DCC: variants seen among roughly 807,000 people sequenced by gnomAD.
DCC encodes the protein netrin receptor DCC.
In DCC, 58 loss-of-function variants were observed where a neutral mutation model predicts 172.5. That is an observed-to-expected ratio of 0.34 (90% CI 0.27 to 0.42). DCC has a LOEUF of 0.42. Ranked by LOEUF, DCC falls within the 10% of genes least tolerant of loss-of-function variation. The pLI is 1.00. For synonymous variants in DCC, 709 were observed against 644.5 expected, an observed-to-expected ratio of 1.10 and a Z score of -1.52; for missense variants, 1,740 against 1,791.0, an observed-to-expected ratio of 0.97 and a Z score of 0.51.
intron 7 of DCC, among the ~76,000 whole-genome samples, chr18:53,085,281 A>G (rs996670336): frequency 3.3e-5 from 5 of 152,196 alleles, no homozygotes; most frequent in African/African-American, 9.7e-5. Flanking sequence ...ACAAGACCAC[A>G]TAGAAGAAGA....
At chr18:52,413,458 G>A (rs1986910276) in intron 1 of DCC, among the ~76,000 whole-genome samples, 1 of 151,526 alleles carries the variant, frequency 6.6e-6, no homozygotes, top group Non-Finnish European at 1.5e-5. Context: ...CTATGTATCT[G>A]TCATCTATAT....
Position 53,409,117 on chromosome 18 carries a change from T to A in DCC, c.2936-1335T>A, listed in dbSNP as rs553641125. On this transcript the variant is annotated intron_variant, in intron 19 of 28. Transcript: ENST00000442544. ...GTAGACCTTAATGGATGAGTAGGAT[T>A]TGGATGGAGTGAAGAAAGGTGGAAT... Among the ~76,000 whole-genome samples the A allele has an allele frequency of 3.3e-5, 5 of 152,192 alleles. No individual in the cohort carries two copies. In the East Asian group the frequency reaches 9.6e-4, roughly 29 times the overall value.
intron 9 of DCC, among the ~76,000 whole-genome samples, chr18:53,180,767 G>A (rs114624224): frequency 0.02 from 3,083 of 152,090 alleles, 107 homozygotes; most frequent in African/African-American, 0.07. Flanking sequence ...AGGTTCAAGC[G>A]ATTCCCAGCT....
intron 5 of DCC, among the ~76,000 whole-genome samples, chr18:53,019,094 A>G (rs1208826374): frequency 6.6e-6 from 1 of 152,186 alleles, no homozygotes; most frequent in Admixed American, 6.5e-5. Context: ...ACTGGGGCCA[A>G]TGCTGTCTAG....
At chr18:52,467,565 T>A (rs1265852585) in intron 1 of DCC, among the ~76,000 whole-genome samples, 2 of 152,202 alleles carry the variant, frequency 1.3e-5, no homozygotes, top group Non-Finnish European at 2.9e-5. Context: ...ATATACCCAA[T>A]AGTGGGATTG....
At chr18:52,687,927 C>A (rs1409195404) in intron 1 of DCC, among the ~76,000 whole-genome samples, 1 of 152,052 alleles carries the variant, frequency 6.6e-6, no homozygotes, top group Non-Finnish European at 1.5e-5. Context: ...TTTCACGACC[C>A]TTCAGTTGTC....
At chr18:52,397,307 A>G (rs2144364748) in intron 1 of DCC, among the ~76,000 whole-genome samples, 1 of 152,160 alleles carries the variant, frequency 6.6e-6, no homozygotes, top group Non-Finnish European at 1.5e-5. Context: ...GATCATATTG[A>G]GAATCACTCG....
chr18:53,252,222 A>G (rs1359083949), intron 12 of DCC, among the ~76,000 whole-genome samples: 1 of 151,988 alleles, frequency 6.6e-6, no homozygotes, highest in African/African-American at 2.4e-5. Context: ...TATGTCATTT[A>G]GGTGTTTATG....
chr18:52,771,594 A>G (rs2037344552), intron 2 of DCC, among the ~76,000 whole-genome samples: 1 of 152,200 alleles, frequency 6.6e-6, no homozygotes. Flanking sequence ...ACATGGAGAC[A>G]TTGTTATCAG....
chr18:53,469,778 ATTTCTAAATTATCTGCACT>A (rs928852366), intron 25 of DCC, among the ~76,000 whole-genome samples: 4 of 151,990 alleles, frequency 2.6e-5, no homozygotes, highest in African/African-American at 9.7e-5. Flanking sequence ...ACTGAAAAAA[ATTTCTAAATTATCTGCACT>A]TTCTCCTCTA....
intron 8 of DCC, among the ~76,000 whole-genome samples, chr18:53,159,116 C>T (rs1327123626): frequency 2.6e-5 from 4 of 151,880 alleles, no homozygotes; most frequent in Non-Finnish European, 4.4e-5. Context: ...TGTGATCTTA[C>T]GATGCCTCCT....
chr18:52,883,269 G>C (rs1454826274), intron 2 of DCC, among the ~76,000 whole-genome samples: 2 of 151,632 alleles, frequency 1.3e-5, no homozygotes, highest in Admixed American at 6.6e-5. Flanking sequence ...TGATTGATAA[G>C]TAAGGACTTA....
chr18:53,241,852 C>T (rs1246663960), intron 12 of DCC, among the ~76,000 whole-genome samples: 26 of 152,112 alleles, frequency 1.7e-4, no homozygotes, highest in Admixed American at 1.7e-3. Context: ...TCTGGAAAAT[C>T]ACACATGGAG....
chr18:53,103,039 A>G (rs1177665657), intron 7 of DCC, among the ~76,000 whole-genome samples: 1 of 152,064 alleles, frequency 6.6e-6, no homozygotes, highest in Non-Finnish European at 1.5e-5. Context: ...CAGTTTTGAA[A>G]ATTGTCTTGT....
At chr18:52,425,264 G>A (rs1849988754) in intron 1 of DCC, among the ~76,000 whole-genome samples, 1 of 152,152 alleles carries the variant, frequency 6.6e-6, no homozygotes, top group African/African-American at 2.4e-5. Context: ...GAAACACATA[G>A]TTGGGTGTGG....
At chr18:52,531,047 G>C (rs2032133897) in intron 1 of DCC, among the ~76,000 whole-genome samples, 1 of 152,194 alleles carries the variant, frequency 6.6e-6, no homozygotes. Context: ...TTACTGCACA[G>C]TTCCTGTTAA....
intron 1 of DCC, among the ~76,000 whole-genome samples, chr18:52,458,057 C>T (rs1461069004): frequency 6.6e-6 from 1 of 152,176 alleles, no homozygotes; most frequent in Non-Finnish European, 1.5e-5. Context: ...CACATGGTTT[C>T]ACTGACTGAG....
intron 16 of DCC, among the ~76,000 whole-genome samples, chr18:53,388,622 T>G (rs1429901488): frequency 6.6e-6 from 1 of 152,194 alleles, no homozygotes; most frequent in Non-Finnish European, 1.5e-5. Context: ...TGTAAAGCCC[T>G]TTATTTCTTG....
chr18:53,175,749 T>G (rs1377268277), intron 8 of DCC, among the ~76,000 whole-genome samples: 1 of 152,078 alleles, frequency 6.6e-6, no homozygotes, highest in Non-Finnish European at 1.5e-5. Flanking sequence ...ATGGCCATAC[T>G]GCCCAAGGTA....
Sources: gnomAD v4.1 joint callset for allele counts (sites outside exome capture counted in the v4.1 genomes callset) on GRCh38, gnomAD v4.1.1 for gene constraint, MANE v1.5 for transcripts, NCBI Gene and HGNC (gene_info 2026-07-23, HGNC 2026-07-21) for gene names.